ZNF507: variants seen among roughly 807,000 people sequenced by gnomAD.
ZNF507 encodes zinc finger protein 507.
Under a neutral mutation model 80.0 loss-of-function variants are expected in ZNF507, and 29 were observed. That is an observed-to-expected ratio of 0.36 (90% confidence interval 0.27 to 0.49). ZNF507 has a LOEUF of 0.49. ZNF507 is among the 20% of genes least tolerant of loss of function. The pLI is 0.98. For synonymous variants in ZNF507, 462 were observed against 422.5 expected (o/e 1.09, Z -1.15); for missense variants, 1,081 against 1,152.2 (o/e 0.94, Z 0.90).
intron 3 of ZNF507, among the ~76,000 whole-genome samples, chr19:32,355,532 T>A (rs1467402690): frequency 6.6e-6 from 1 of 152,196 alleles, no homozygotes; most frequent in Non-Finnish European, 1.5e-5. Flanking sequence ...ATTTTGACTG[T>A]CTGATTTTTA....
chr19:32,348,770 G>C (rs990716669), intron 2 of ZNF507, among the ~76,000 whole-genome samples: 5 of 152,150 alleles, frequency 3.3e-5, no homozygotes, highest in African/African-American at 1.2e-4. Context: ...GCTAATGCCT[G>C]TCGTCTTCTT....
rs1305906903 is a variant in ZNF507, at chr19:32,386,121, A to G, written c.*3038A>G. ...TCCCAGTGTTCAACAGTATCATGCT[A>G]ATATTCCATTTGATCGGTAGTCCAA... is the stretch of plus-strand genomic sequence containing the variant. On this transcript the variant is annotated 3_prime_UTR_variant, in exon 7 of 7. Transcript: ENST00000355898. 6.6e-6 allele frequency: 1 copy of G among 152,256 alleles called. No homozygotes were observed. Among genetic ancestry groups the G allele is most frequent in the Non-Finnish European group, 1.5e-5 (1 of 68,018 alleles). 9.4% of individuals were successfully genotyped at this position (152,256 alleles called of 1,614,324 possible).
chr19:32,350,688 G>T (rs915049319), intron 2 of ZNF507, among the ~76,000 whole-genome samples: 1 of 152,158 alleles, frequency 6.6e-6, no homozygotes, highest in Non-Finnish European at 1.5e-5. Flanking sequence ...ACATTCACTT[G>T]TTAACCTCCA....
intron 5 of ZNF507, among the ~76,000 whole-genome samples, chr19:32,369,142 A>G (rs1176707603): frequency 6.6e-6 from 1 of 152,234 alleles, no homozygotes; most frequent in Non-Finnish European, 1.5e-5. Context: ...TTGGGTTGCC[A>G]AAGTAGCTTC....
rs1055626670 is a variant in ZNF507 at position 32,386,093 on chromosome 19, G to C, written c.*3010G>C. The C allele has an allele frequency of 3.9e-5, 6 of 152,120 alleles. No homozygotes were observed. Among genetic ancestry groups the C allele is most frequent in the Non-Finnish European group, 8.8e-5 (6 of 68,010 alleles). The allele number at this position is 152,120 out of a possible 1,614,324, so 9.4% of individuals were successfully genotyped here. A position where few individuals can be genotyped will look rare whatever the true frequency, so the allele number is the denominator to read the frequency against. ...TCTCTAATCATCCAGAATATGGCGG[G>C]TGTCCCAGTGTTCAACAGTATCATG... On this transcript the variant is annotated 3_prime_UTR_variant, in exon 7 of 7. Transcript: ENST00000355898.
intron 2 of ZNF507, among the ~76,000 whole-genome samples, chr19:32,351,418 G>GGTGT (rs1568301845): frequency 2.0e-4 from 10 of 48,856 alleles, no homozygotes; most frequent in East Asian, 5.3e-4. Context: ...AAGCTGGTCA[G>GGTGT]CTGTGTGTGT....
In ZNF507 at chr19:32,354,811, C is replaced by A. The variant is rs139938701; in HGVS notation, c.1981C>A (p.Arg661=). ...GNKGYIKQHL[R]VHRQRQPYQC... is the part of the protein sequence containing the mutation. ...CAAGGGCTACATCAAGCAGCACTTA[C>A]GAGTCCATCGACAGAGACAGCCTTA... is the stretch of plus-strand genomic sequence containing the variant. The change falls in exon 3 of 7, where the codon CGA becomes AGA. Residue 661 remains arginine (R), a synonymous_variant. Transcript: ENST00000355898. 3.7e-6 allele frequency: 6 copies of A among 1,614,042 alleles called. No homozygotes were observed. The highest frequency in any genetic ancestry group is 2.7e-5 in the African/African-American group (2 of 74,906).
intron 5 of ZNF507, among the ~76,000 whole-genome samples, chr19:32,379,959 G>A (rs1967602750): frequency 6.6e-6 from 1 of 152,130 alleles, no homozygotes; most frequent in African/African-American, 2.4e-5. Flanking sequence ...GGGACTACAG[G>A]TGTGTGCCAC....
chr19:32,356,105 C>T (rs545057159), intron 3 of ZNF507, among the ~76,000 whole-genome samples: 1 of 152,292 alleles, frequency 6.6e-6, no homozygotes, highest in South Asian at 2.1e-4. Flanking sequence ...GCTGCAAAGA[C>T]AAGTTCCTGA....
intron 5 of ZNF507, among the ~76,000 whole-genome samples, chr19:32,373,450 G>A (rs546891797): frequency 2.4e-4 from 37 of 152,306 alleles, no homozygotes; most frequent in South Asian, 2.3e-3. Flanking sequence ...GAGACTTATC[G>A]AGTGGTTTGA....
At chr19:32,359,168 T>C (rs1449949144) in intron 4 of ZNF507, 2 of 152,228 alleles carry the variant, frequency 1.3e-5, no homozygotes, top group Non-Finnish European at 2.9e-5. Context: ...GTCCAAGTTT[T>C]TAACCTACCA....
chr19:32,366,991 T>C (rs1179721559), intron 5 of ZNF507, among the ~76,000 whole-genome samples: 1 of 152,230 alleles, frequency 6.6e-6, no homozygotes, highest in African/African-American at 2.4e-5. Context: ...GCATTGTCTA[T>C]TGTATTAGTT....
rs1427466551 is a variant in ZNF507, at chr19:32,380,729, C to T, written c.2361-1738C>T. 3 of 1,039,088 alleles carry T rather than the reference C, an allele frequency of 2.9e-6. No homozygotes were observed. The East Asian group carries it at 7.8e-5, about 27-fold the overall frequency. 64.4% of individuals were successfully genotyped at this position (1,039,088 alleles called of 1,614,324 possible). Reference sequence around the variant, plus strand: ...AAAAGATGACAGTTTTACAATACGACCCAGCAATTATGCTCCTGAGTGTTT... The same window carrying T: ...AAAAGATGACAGTTTTACAATACGATCCAGCAATTATGCTCCTGAGTGTTT... On this transcript the variant is annotated intron_variant, in intron 5 of 6. Coordinates refer to ENST00000355898, the MANE Select transcript of ZNF507 (RefSeq NM_001136156.2).
At chr19:32,382,284 C>T (rs1405939385) in intron 5 of ZNF507, 183 bp from the exon 6 acceptor site, 1 of 609,860 alleles carries the variant, frequency 1.6e-6, no homozygotes, top group Non-Finnish European at 2.7e-6. Flanking sequence ...CTAGGACTTC[C>T]ATTCTAGGAC....
At chr19:32,346,631 GT>G (rs1312812111) in intron 1 of ZNF507, among the ~76,000 whole-genome samples, 1 of 152,176 alleles carries the variant, frequency 6.6e-6, no homozygotes, top group Non-Finnish European at 1.5e-5. Context: ...CCCTAAAGAT[GT>G]TTTTTCTGCC....
In ZNF507 at chr19:32,354,626, A is replaced by T; in HGVS notation, c.1796A>T (p.Asp599Val). Residue 599 changes from aspartate to valine, a missense_variant, in exon 3 of 7, where the codon GAC becomes GTC. Coordinates refer to ENST00000355898, the MANE Select transcript of ZNF507 (RefSeq NM_001136156.2). ...ATTGAAAAATTGAGAGAAAGGACAG[A>T]CCAAAACGCTTCAGACGATGACATT... ...TVIEKLRERT[D>V]QNASDDDILK... 1.2e-6 allele frequency: 2 copies of T among 1,614,240 alleles called. No individual in the cohort carries two copies. Among genetic ancestry groups the T allele is most frequent in the Non-Finnish European group, 1.7e-6 (2 of 1,180,050 alleles).
chr19:32,369,166 G>T (rs1028206429), intron 5 of ZNF507, among the ~76,000 whole-genome samples: 1 of 152,202 alleles, frequency 6.6e-6, no homozygotes, highest in African/African-American at 2.4e-5. Context: ...GCATTGGGAA[G>T]AAATCATTTT....
At chr19:32,360,449 T>A (rs1229966993) in intron 4 of ZNF507, 55 bp from the exon 5 acceptor site, 1 of 847,238 alleles carries the variant, frequency 1.2e-6, no homozygotes, top group African/African-American at 1.8e-5. Flanking sequence ...ATGTAAATGC[T>A]GTCATTTGAA....
intron 5 of ZNF507, among the ~76,000 whole-genome samples, chr19:32,377,598 A>G (rs1286636201): frequency 6.6e-6 from 1 of 152,206 alleles, no homozygotes; most frequent in African/African-American, 2.4e-5. Context: ...CTCGGCACCT[A>G]GGTGGCTTGC....
Sources: allele counts gnomAD v4.1 joint callset (sites outside exome capture counted in the v4.1 genomes callset), GRCh38; gene constraint gnomAD v4.1.1; transcripts MANE v1.5; gene names NCBI Gene and HGNC (gene_info 2026-07-23, HGNC 2026-07-21).